Variants in KCNMA1 observed in about 807,000 individuals in gnomAD.
The protein encoded by KCNMA1 is potassium calcium-activated channel subfamily M alpha 1.
In KCNMA1, 29 loss-of-function variants were observed where a neutral mutation model predicts 140.0. The observed-to-expected ratio is 0.21, with a 90% confidence interval of 0.15 to 0.28. The LOEUF is 0.28. KCNMA1 is among the 10% of genes least tolerant of loss of function. The probability of loss-of-function intolerance (pLI) is 1.00; values close to 1 mark genes in which losing one functional copy is unlikely to be tolerated. For synonymous variants in KCNMA1, 612 were observed against 611.9 expected (o/e 1.00, Z 0.00); for missense variants, 880 against 1,602.2 (o/e 0.55, Z 7.70).
chr10:77,294,600 T>A (rs988799445), intron 2 of KCNMA1, among the ~76,000 whole-genome samples: 1 of 152,228 alleles, frequency 6.6e-6, no homozygotes, highest in Non-Finnish European at 1.5e-5. Flanking sequence ...TTACATTGTT[T>A]ATTACAGCAC....
intron 1 of KCNMA1, among the ~76,000 whole-genome samples, chr10:77,595,854 A>C (rs903802506): frequency 6.6e-6 from 1 of 152,064 alleles, no homozygotes; most frequent in African/African-American, 2.4e-5. Flanking sequence ...TCTGACCCAT[A>C]TTGGCCAGGC....
chr10:77,358,416 T>C (rs2093678332), intron 2 of KCNMA1, among the ~76,000 whole-genome samples: 1 of 152,094 alleles, frequency 6.6e-6, no homozygotes, highest in Non-Finnish European at 1.5e-5. Flanking sequence ...CACCCACCCA[T>C]TAGAACAGGA....
chr10:77,168,788 T>C (rs2098671155), intron 5 of KCNMA1, among the ~76,000 whole-genome samples: 3 of 152,160 alleles, frequency 2.0e-5, no homozygotes, highest in African/African-American at 7.2e-5. Context: ...ATGCAAAACA[T>C]AGTGCCAGAC....
chr10:77,557,753 A>G (rs1303420840), intron 1 of KCNMA1, among the ~76,000 whole-genome samples: 2 of 151,606 alleles, frequency 1.3e-5, no homozygotes, highest in African/African-American at 2.4e-5. Context: ...CCTGGGTTCA[A>G]GCAATTCTGC....
chr10:77,098,581 A>C (rs1269562981), intron 9 of KCNMA1, among the ~76,000 whole-genome samples: 1 of 151,990 alleles, frequency 6.6e-6, no homozygotes, highest in East Asian at 1.9e-4. Context: ...CCTTTAAAAA[A>C]AAAAAACAAA....
At chr10:77,468,275 G>C (rs530336329) in intron 1 of KCNMA1, among the ~76,000 whole-genome samples, 1 of 152,168 alleles carries the variant, frequency 6.6e-6, no homozygotes, top group Non-Finnish European at 1.5e-5. Context: ...GGGGATTCTG[G>C]AGTCAGAATG....
chr10:77,038,576 G>A (rs1370188505), intron 15 of KCNMA1, among the ~76,000 whole-genome samples: 1 of 152,104 alleles, frequency 6.6e-6, no homozygotes, highest in Non-Finnish European at 1.5e-5. Flanking sequence ...TACAATCACT[G>A]CTATCCAGGC....
At chr10:76,950,148 C>T (rs2065709511) in intron 21 of KCNMA1, among the ~76,000 whole-genome samples, 1 of 152,190 alleles carries the variant, frequency 6.6e-6, no homozygotes, top group South Asian at 2.1e-4. Flanking sequence ...CAGAGCTAAT[C>T]AGTAGCAACA....
At chr10:76,932,870 C>T (rs952508902) in intron 23 of KCNMA1, among the ~76,000 whole-genome samples, 1 of 152,196 alleles carries the variant, frequency 6.6e-6, no homozygotes, top group African/African-American at 2.4e-5. Flanking sequence ...GAAGCATTCA[C>T]AGCTCCCTGG....
intron 1 of KCNMA1, among the ~76,000 whole-genome samples, chr10:77,445,354 G>T (rs1016827619): frequency 7.4e-6 from 1 of 135,326 alleles, no homozygotes; most frequent in Non-Finnish European, 1.5e-5. Context: ...TCTCTCACAC[G>T]CACATACACA....
chr10:77,587,845 C>T, intron 1 of KCNMA1: 3 of 985,366 alleles, frequency 3.0e-6, no homozygotes, highest in Non-Finnish European at 3.6e-6. Context: ...CATCTCACGG[C>T]CCCAGTCTTC....
chr10:77,389,096 G>A (rs1345905725), intron 2 of KCNMA1, among the ~76,000 whole-genome samples: 3 of 152,114 alleles, frequency 2.0e-5, no homozygotes, highest in South Asian at 2.1e-4. Context: ...GCCCATTGAG[G>A]GTCTGTTGCC....
At chr10:77,079,614 CAA>C in intron 12 of KCNMA1, 64 bp from the exon 13 acceptor site, 1 of 1,130,606 alleles carries the variant, frequency 8.8e-7, no homozygotes, top group East Asian at 2.4e-5. Context: ...ACAAAAAGAT[CAA>C]TTTTACTGTC....
intron 20 of KCNMA1, among the ~76,000 whole-genome samples, chr10:76,964,383 C>G (rs941919161): frequency 2.0e-5 from 3 of 152,154 alleles, no homozygotes; most frequent in African/African-American, 7.2e-5. Flanking sequence ...AGAACCAACA[C>G]GTTCATCAGT....
At chr10:77,099,940 GTATGTTCAACAACGTGAAT>G (rs1353196435) in intron 9 of KCNMA1, among the ~76,000 whole-genome samples, 3 of 152,110 alleles carry the variant, frequency 2.0e-5, no homozygotes, top group Non-Finnish European at 2.9e-5. Context: ...TGTTCAATGG[GTATGTTCAACAACGTGAAT>G]TATCAAATGC....
At chr10:77,075,364 G>A (rs112278920) in intron 13 of KCNMA1, among the ~76,000 whole-genome samples, 5 of 152,344 alleles carry the variant, frequency 3.3e-5, no homozygotes, top group Admixed American at 2.6e-4. Context: ...CTGAGAACCT[G>A]AGAGGAATGA....
At chr10:77,448,859 C>A (rs975734759) in intron 1 of KCNMA1, among the ~76,000 whole-genome samples, 1 of 152,022 alleles carries the variant, frequency 6.6e-6, no homozygotes, top group Non-Finnish European at 1.5e-5. Context: ...GAGGCCAAGG[C>A]GGGCAGATTA....
chr10:77,457,738 G>C (rs113762588), intron 1 of KCNMA1, among the ~76,000 whole-genome samples: 55 of 152,076 alleles, frequency 3.6e-4, no homozygotes, highest in African/African-American at 9.9e-4. Context: ...CATTCTGAGA[G>C]CCTGGTAGCT....
intron 1 of KCNMA1, among the ~76,000 whole-genome samples, chr10:77,612,751 C>T (rs1052705298): frequency 1.3e-5 from 2 of 152,174 alleles, no homozygotes; most frequent in African/African-American, 4.8e-5. Flanking sequence ...GGGGTACCTT[C>T]CTCTCTTCAC....
Sources: allele counts gnomAD v4.1 joint callset (sites outside exome capture counted in the v4.1 genomes callset), GRCh38; gene constraint gnomAD v4.1.1; transcripts MANE v1.5; gene names NCBI Gene and HGNC (gene_info 2026-07-23, HGNC 2026-07-21).